Variants in ZNF239 observed in about 807,000 individuals in gnomAD.
ZNF239 encodes the protein zinc finger protein (C2H2) homologous to mouse MOK-2.
ZNF239 carries 16 observed loss-of-function variants against 27.5 expected under a neutral mutation model. That is an observed-to-expected ratio of 0.58 (90% CI 0.39 to 0.88). The LOEUF is 0.88. Among genes scored for constraint, ZNF239 ranks in the 40% least tolerant of loss-of-function variants. The pLI is 0.00. For missense variants in ZNF239, 527 were observed against 551.9 expected (o/e 0.95, Z 0.45); for synonymous variants, 199 against 192.6 (o/e 1.03, Z -0.27).
intron 2 of ZNF239, among the ~76,000 whole-genome samples, chr10:43,569,727 A>C (rs1837914673): frequency 6.6e-6 from 1 of 152,074 alleles, no homozygotes; most frequent in African/African-American, 2.4e-5. Flanking sequence ...TTTCTTATTC[A>C]CTTGCTTTCT....
chr10:43,556,360 A>G lies in ZNF239; in HGVS notation c.*343T>C, dbSNP rs190099995. 4.4e-5 allele frequency: 10 copies of G among 229,658 alleles called. No homozygotes were observed. The highest frequency in any genetic ancestry group is 7.8e-5 in the Non-Finnish European group (9 of 116,120). 14.2% of individuals were successfully genotyped at this position (229,658 alleles called of 1,614,324 possible). On this transcript the variant is annotated 3_prime_UTR_variant, in exon 4 of 4. Coordinates refer to ENST00000374446, the MANE Select transcript of ZNF239 (RefSeq NM_001099282.2). ...GGCACAAAATTTGAAGAGAAACCAGAGTTTCAATTTCTCAGAGAATGTGAA... is the reference window on the plus strand; with the variant it reads ...GGCACAAAATTTGAAGAGAAACCAGGGTTTCAATTTCTCAGAGAATGTGAA...
intron 3 of ZNF239, 96 bp downstream of exon 3, chr10:43,567,803 C>T: frequency 1.5e-6 from 1 of 689,250 alleles, no homozygotes; most frequent in Non-Finnish European, 1.8e-6. Flanking sequence ...TCTTTAGCTG[C>T]TTAGAATAGT....
At chr10:43,572,767 T>C (rs548109686) in intron 2 of ZNF239, among the ~76,000 whole-genome samples, 17 of 152,356 alleles carry the variant, frequency 1.1e-4, no homozygotes, top group East Asian at 9.6e-4. Context: ...AGGGTTAATT[T>C]TGAGGTAACC....
Position 43,556,563 on chromosome 10 carries a change from GA to G in ZNF239, c.*139del. On this transcript the variant is annotated 3_prime_UTR_variant, in exon 4 of 4. Coordinates refer to ENST00000374446, the MANE Select transcript of ZNF239 (RefSeq NM_001099282.2). ...TGCTTGATACTTAAATATTTTGAAT[GA>G]GTGATTTTTCAGTGAGGGAACATAT... 1 of 1,092,824 alleles carries G rather than the reference GA, an allele frequency of 9.2e-7. No individual in the cohort carries two copies. The highest frequency in any genetic ancestry group is 1.3e-6 in the Non-Finnish European group (1 of 785,632). 67.7% of individuals were successfully genotyped at this position (1,092,824 alleles called of 1,614,324 possible).
intron 2 of ZNF239, 53 bp from the exon 3 acceptor site, chr10:43,568,074 C>T: frequency 2.0e-6 from 2 of 985,824 alleles, no homozygotes; most frequent in Non-Finnish European, 2.4e-6. Flanking sequence ...CACAAATGCC[C>T]TGCAAGTGGG....
chr10:43,566,944 T>C (rs1008001111), intron 3 of ZNF239, among the ~76,000 whole-genome samples: 1 of 152,106 alleles, frequency 6.6e-6, no homozygotes, highest in Non-Finnish European at 1.5e-5. Flanking sequence ...AAGTGTTTTA[T>C]CTGGCCGGGT....
chr10:43,557,689 A>G lies in ZNF239; in HGVS notation c.391T>C (p.Leu131=). The G allele has an allele frequency of 6.2e-7, 1 of 1,614,148 alleles. No individual in the cohort carries two copies. Among genetic ancestry groups the G allele is most frequent in the South Asian group, 1.1e-5 (1 of 91,082 alleles). The change falls in exon 4 of 4, where the codon TTG becomes CTG. Residue 131 remains leucine, a synonymous_variant. Transcript: ENST00000374446. Reference sequence around the variant, plus strand: ...TGGCAAGTTGCCTCACCATTTAACAATGGCGAGGCCAGTTCTTGTCCATCA... The same window carrying G: ...TGGCAAGTTGCCTCACCATTTAACAGTGGCGAGGCCAGTTCTTGTCCATCA... ...VSDGQELASP[L]LNGEATCQNG...
At chr10:43,572,082 C>T (rs1838070460) in intron 2 of ZNF239, among the ~76,000 whole-genome samples, 1 of 152,200 alleles carries the variant, frequency 6.6e-6, no homozygotes, top group South Asian at 2.1e-4. Context: ...AGACTCCCGC[C>T]TTTCAGCAGA....
intron 2 of ZNF239, among the ~76,000 whole-genome samples, chr10:43,569,499 T>G (rs1327103074): frequency 6.6e-6 from 1 of 152,138 alleles, no homozygotes; most frequent in Non-Finnish European, 1.5e-5. Flanking sequence ...ATGATCATAT[T>G]CAGCACCAGT....
chr10:43,564,611 C>A (rs1172973222), intron 3 of ZNF239, among the ~76,000 whole-genome samples: 1 of 151,950 alleles, frequency 6.6e-6, no homozygotes, highest in Non-Finnish European at 1.5e-5. Flanking sequence ...CTCTCTGAAG[C>A]CTCAACCTCT....
At chr10:43,561,920 CAAATA>C (rs1837282587) in intron 3 of ZNF239, among the ~76,000 whole-genome samples, 2 of 151,944 alleles carry the variant, frequency 1.3e-5, no homozygotes, top group African/African-American at 4.8e-5. Context: ...CAAAACCCCC[CAAATA>C]AAATATATTT....
chr10:43,572,594 T>C (rs1201871671), intron 2 of ZNF239, among the ~76,000 whole-genome samples: 1 of 152,226 alleles, frequency 6.6e-6, no homozygotes, highest in African/African-American at 2.4e-5. Flanking sequence ...CCTTCTGCTC[T>C]CTGAAACAAA....
chr10:43,571,705 G>C (rs1340042447), intron 2 of ZNF239, among the ~76,000 whole-genome samples: 1 of 151,986 alleles, frequency 6.6e-6, no homozygotes, highest in Non-Finnish European at 1.5e-5. Flanking sequence ...ATTACAACAG[G>C]CATCAACATG....
At chr10:43,569,381 C>G (rs563358957) in intron 2 of ZNF239, among the ~76,000 whole-genome samples, 11 of 152,274 alleles carry the variant, frequency 7.2e-5, no homozygotes, top group African/African-American at 2.6e-4. Flanking sequence ...AAAACAAGGC[C>G]AAGCATGAAA....
At position 43,565,817 on chromosome 10, in the gene ZNF239, G is replaced by GAAAAAAAA. The variant is rs36039838; in HGVS notation, c.-93+2074_-93+2081dup. ...GTGACAGAACAAGACTCCATCTCAAGAAAAAAAAAAAAAAAAAAAAAAAAA... is the reference window on the plus strand; with the variant it reads ...GTGACAGAACAAGACTCCATCTCAAGAAAAAAAAAAAAAAAAAAAAAAAAAAAAAAAAA... On this transcript the variant is annotated intron_variant, in intron 3 of 3. Coordinates refer to ENST00000374446, the MANE Select transcript of ZNF239 (RefSeq NM_001099282.2). 3.0e-3 allele frequency among the ~76,000 whole-genome samples: 202 copies of GAAAAAAAA among 67,152 alleles called. 2 individuals are homozygous for GAAAAAAAA. Among genetic ancestry groups the GAAAAAAAA allele is most frequent in the Middle Eastern group, 0.021 (1 of 48 alleles). 44.1% of individuals were successfully genotyped at this position (67,152 alleles called of 152,430 possible).
chr10:43,568,741 TA>T (rs966942450), intron 2 of ZNF239, among the ~76,000 whole-genome samples: 4 of 152,182 alleles, frequency 2.6e-5, no homozygotes, highest in African/African-American at 9.7e-5. Flanking sequence ...CTGGGACGTC[TA>T]AAGTGCTTAA....
rs372736304 is a variant in ZNF239, at chr10:43,557,582, A to G, written c.498T>C (p.Ser166=). 2.5e-6 allele frequency: 4 copies of G among 1,614,014 alleles called. No homozygotes were observed. In the African/African-American group the frequency reaches 5.3e-5, roughly 22 times the overall value. ...CTGTATGAGCTCTCTGCTGACTACA[A>G]CTGACCACCTGTGATTTCCATCCAT... ...DIHGWKSQVV[S]CSQQRAHTEE... Residue 166 remains serine (S), a synonymous_variant, in exon 4 of 4, where the codon AGT becomes AGC. Coordinates refer to ENST00000374446, the MANE Select transcript of ZNF239 (RefSeq NM_001099282.2).
rs1318567811 is a variant in ZNF239, at chr10:43,556,828, G to C, written c.1252C>G (p.Leu418Val). ...CGKGFSQSSK[L>V]LIHQRVHTGE... Reference sequence around the variant, plus strand: ...GTATGTACTCTCTGGTGGATGAGGAGTTTGGAACTCTGGCTAAATCCCTTC... The same window carrying C: ...GTATGTACTCTCTGGTGGATGAGGACTTTGGAACTCTGGCTAAATCCCTTC... The change falls in exon 4 of 4, where the codon CTC (leucine) becomes GTC (valine). Residue 418 changes from leucine to valine, a missense_variant. Leu to Val is a conservative substitution (Grantham distance 32, BLOSUM62 1). Transcript: ENST00000374446. 1 of 1,613,856 alleles carries C rather than the reference G, an allele frequency of 6.2e-7. No homozygotes were observed. The highest frequency in any genetic ancestry group is 8.5e-7 in the Non-Finnish European group (1 of 1,180,016).
At chr10:43,567,713 C>T (rs945461145) in intron 3 of ZNF239, among the ~76,000 whole-genome samples, 186 bp downstream of exon 3, 1 of 152,190 alleles carries the variant, frequency 6.6e-6, no homozygotes, top group Non-Finnish European at 1.5e-5. Context: ...ATCAGTCCCA[C>T]CTCTGGCTTA....
Sources: gnomAD v4.1 joint callset for allele counts (sites outside exome capture counted in the v4.1 genomes callset) on GRCh38, gnomAD v4.1.1 for gene constraint, MANE v1.5 for transcripts, NCBI Gene and HGNC (gene_info 2026-07-23, HGNC 2026-07-21) for gene names.